The following RABL2B variants were observed in gnomAD, a reference collection of about 807,000 sequenced individuals.
RABL2B encodes the protein RAB, member of RAS oncogene family like 2B, also known as rab-like protein 2B.
In RABL2B, 17 loss-of-function variants were observed where a neutral mutation model predicts 26.7. The observed-to-expected ratio is 0.64, with a 90% CI of 0.44 to 0.95. The LOEUF (loss-of-function observed/expected upper bound fraction) is 0.95. RABL2B is among the 40% of genes least tolerant of loss of function. The pLI, the probability that RABL2B is intolerant of heterozygous loss-of-function variation, is 0.00. For missense variants in RABL2B, 170 were observed against 277.2 expected, an observed-to-expected ratio of 0.61 and a Z score of 2.75; for synonymous variants, 70 against 103.9, an observed-to-expected ratio of 0.67 and a Z score of 1.99.
rs182338073 is a variant in RABL2B at position 50,769,644 on chromosome 22, G to C, written c.410-92C>G. 9.6e-5 allele frequency: 153 copies of C among 1,588,336 alleles called. No individual in the cohort carries two copies. In the African/African-American group the frequency reaches 1.9e-3, roughly 19 times the overall value. ...CCACTGGAGGCCTTCATTCCAGAAAGTGGGATAGGCAGGGATGATTGGGAA... is the reference window on the plus strand; with the variant it reads ...CCACTGGAGGCCTTCATTCCAGAAACTGGGATAGGCAGGGATGATTGGGAA... On this transcript the variant is annotated intron_variant, in intron 6 of 8. Coordinates refer to ENST00000691320, the MANE Select transcript of RABL2B (RefSeq NM_001130919.3).
At chr22:50,781,502 G>A (rs1405529366) in intron 2 of RABL2B, among the ~76,000 whole-genome samples, 1 of 152,014 alleles carries the variant, frequency 6.6e-6, no homozygotes, top group Non-Finnish European at 1.5e-5. Flanking sequence ...CTGAGTCAAA[G>A]GACTTGATTA....
At position 50,770,336 on chromosome 22, in the gene RABL2B, T is replaced by C. The variant is rs1603449030; in HGVS notation, c.298-320A>G. 1.5e-5 allele frequency: 5 copies of C among 333,924 alleles called. No homozygotes were observed. The Middle Eastern group carries it at 4.3e-3, about 287-fold the overall frequency. The allele number at this position is 333,924 out of a possible 1,614,324, so 20.7% of individuals were successfully genotyped here. A position where few individuals can be genotyped will look rare whatever the true frequency, so the allele number is the denominator to read the frequency against. ...TTTGAGACCAGCCTGGCCAACATGG[T>C]GAAATTCCGTCTCTACTAAAAATGC... On this transcript the variant is annotated intron_variant, in intron 5 of 8. Transcript: ENST00000691320.
At chr22:50,769,735 C>T (rs1248550349) in intron 6 of RABL2B, 170 bp downstream of exon 6, 1 of 912,932 alleles carries the variant, frequency 1.1e-6, no homozygotes, top group Non-Finnish European at 1.7e-6. Context: ...GTCGGCTTAG[C>T]TGGCTTCTTT....
In RABL2B at chr22:50,768,323, G is replaced by A. The variant is rs1555915241; in HGVS notation, c.*453C>T. On this transcript the variant is annotated 3_prime_UTR_variant, in exon 9 of 9. Transcript: ENST00000691320. ...GGAGAAAACGTAGGGAAAGGATGGG[G>A]CCTCACAGACTCAGCTGTGGGTGGG... The A allele has an allele frequency of 8.4e-6, 2 of 237,298 alleles. No individual in the cohort carries two copies. Among genetic ancestry groups the A allele is most frequent in the East Asian group, 1.3e-4 (1 of 7,912 alleles). 14.7% of individuals were successfully genotyped at this position (237,298 alleles called of 1,614,324 possible). A position where few individuals can be genotyped will look rare whatever the true frequency, so the allele number is the denominator to read the frequency against.
chr22:50,775,815 C>T lies in RABL2B; in HGVS notation c.254G>A (p.Ser85Asn). The change falls in exon 5 of 9, where the codon AGC becomes AAC. Residue 85 changes from serine (S) to asparagine (N), a missense_variant. Around this residue, in one of 2 missense-constraint regions of RABL2B, gnomAD observed 165 missense variants for 232.0 expected, o/e 0.71. Coordinates refer to ENST00000691320, the MANE Select transcript of RABL2B (RefSeq NM_001130919.3). Reference protein sequence around the residue: ...WDTAGQERFQSMHASYYHKAH... With the variant: ...WDTAGQERFQNMHASYYHKAH... ...CTTGTGGTAGTAGGAGGCATGCATGCTCTGGAACCGCTCCTGGCCTGCCGT... is the reference window on the plus strand; with the variant it reads ...CTTGTGGTAGTAGGAGGCATGCATGTTCTGGAACCGCTCCTGGCCTGCCGT... 6.2e-7 allele frequency: 1 copy of T among 1,614,218 alleles called. No homozygotes were observed. The highest frequency in any genetic ancestry group is 8.5e-7 in the Non-Finnish European group (1 of 1,180,048).
chr22:50,778,392 C>A (rs1328029051), intron 2 of RABL2B, among the ~76,000 whole-genome samples: 3 of 151,904 alleles, frequency 2.0e-5, no homozygotes, highest in Admixed American at 2.0e-4. Context: ...AGCAGCCTGG[C>A]CAACAGGGTG....
At chr22:50,775,398 G>A (rs2519460) in intron 5 of RABL2B, among the ~76,000 whole-genome samples, 10,432 of 152,140 alleles carry the variant, frequency 0.069, 369 homozygotes, top group Non-Finnish European at 0.073. Flanking sequence ...CAGTCCCAGC[G>A]TGCGCCCCCT....
intron 5 of RABL2B, among the ~76,000 whole-genome samples, chr22:50,770,908 T>A (rs1365402735): frequency 4.4e-5 from 6 of 136,458 alleles, no homozygotes; most frequent in South Asian, 4.4e-4. Context: ...TTTATTTTTT[T>A]ATTTTTTTTT....
intron 2 of RABL2B, 113 bp from the exon 3 acceptor site, chr22:50,778,094 T>A: frequency 7.2e-7 from 1 of 1,392,750 alleles, no homozygotes; most frequent in Admixed American, 1.7e-5. Flanking sequence ...CCCTTCCCCC[T>A]TTCACTCCAC....
chr22:50,780,153 T>C (rs1363172297), intron 2 of RABL2B, among the ~76,000 whole-genome samples: 3 of 151,796 alleles, frequency 2.0e-5, no homozygotes, highest in Non-Finnish European at 4.4e-5. Flanking sequence ...AGGTCACCTG[T>C]TCACAGGGGG....
At chr22:50,770,116 T>C (rs1243423277) in intron 5 of RABL2B, 100 bp from the exon 6 acceptor site, 55 of 1,585,568 alleles carry the variant, frequency 3.5e-5, no homozygotes, top group Non-Finnish European at 4.3e-5. Flanking sequence ...CACGAGCACA[T>C]GGTGCTGTTT....
At chr22:50,781,748 G>A (rs1243527331) in intron 2 of RABL2B, among the ~76,000 whole-genome samples, 5 of 151,868 alleles carry the variant, frequency 3.3e-5, no homozygotes, top group African/African-American at 9.7e-5. Flanking sequence ...ACAAGAAGAA[G>A]CCAGTCTTCA....
rs1163636790 is a variant in RABL2B, at chr22:50,775,802, G to C, written c.267C>G (p.Ser89=). 4 of 1,614,058 alleles carry C rather than the reference G, an allele frequency of 2.5e-6. No individual in the cohort carries two copies. In the African/African-American group the frequency reaches 5.3e-5, roughly 22 times the overall value. The part of the protein sequence containing the change: ...GQERFQSMHA[S]YYHKAHACIM... ...TGCAGGCGTGGGCCTTGTGGTAGTA[G>C]GAGGCATGCATGCTCTGGAACCGCT... The change falls in exon 5 of 9, where the codon TCC becomes TCG. Residue 89 remains serine (S), a synonymous_variant. Transcript: ENST00000691320.
chr22:50,774,661 G>A (rs1158316858), intron 5 of RABL2B, among the ~76,000 whole-genome samples: 8 of 150,248 alleles, frequency 5.3e-5, no homozygotes, highest in African/African-American at 2.0e-4. Flanking sequence ...GCAAGACCTT[G>A]AATGCTATTC....
At chr22:50,778,434 T>C (rs149831875) in intron 2 of RABL2B, among the ~76,000 whole-genome samples, 3,002 of 151,486 alleles carry the variant, frequency 0.02, 94 homozygotes, top group African/African-American at 0.069. Flanking sequence ...ATACAAAAAA[T>C]TAGCCAGGTG....
intron 2 of RABL2B, among the ~76,000 whole-genome samples, chr22:50,781,237 G>C (rs1236614876): frequency 6.6e-6 from 1 of 151,650 alleles, no homozygotes; most frequent in Non-Finnish European, 1.5e-5. Flanking sequence ...CTAGCTACTC[G>C]CAAGGCTGTG....
chr22:50,777,814 G>A (rs1361154815), intron 3 of RABL2B, 138 bp downstream of exon 3: 6 of 1,377,494 alleles, frequency 4.4e-6, no homozygotes, highest in Admixed American at 1.8e-5. Context: ...AGAAACAAGT[G>A]CGGAACAAAA....
In RABL2B at chr22:50,768,558, C is replaced by G. The variant is rs148145443; in HGVS notation, c.*218G>C. The G allele has an allele frequency of 6.5e-4, 756 of 1,155,524 alleles. 7 individuals carry two copies. The African/African-American group carries it at 0.011, about 17-fold the overall frequency. 71.6% of individuals were successfully genotyped at this position (1,155,524 alleles called of 1,614,324 possible). On this transcript the variant is annotated 3_prime_UTR_variant, in exon 9 of 9. Coordinates refer to ENST00000691320, the MANE Select transcript of RABL2B (RefSeq NM_001130919.3). ...ATGATGCTGATCCCTACTTCTGCTT[C>G]AAGGAGATCTGGTGGGGAATTCTTC... is the stretch of plus-strand genomic sequence containing the variant.
intron 2 of RABL2B, among the ~76,000 whole-genome samples, chr22:50,781,736 T>A (rs548818997): frequency 4.6e-5 from 7 of 151,966 alleles, no homozygotes; most frequent in Non-Finnish European, 7.4e-5. Flanking sequence ...CCGAAATTCA[T>A]TACAAGAAGA....
Sources: gnomAD v4.1 joint callset for allele counts (sites outside exome capture counted in the v4.1 genomes callset) on GRCh38, gnomAD v4.1.1 for gene constraint, gnomAD v4.1.1 regional missense constraint, MANE v1.5 for transcripts, NCBI Gene and HGNC (gene_info 2026-07-23, HGNC 2026-07-21) for gene names.